Variants in STUB1 observed in about 807,000 individuals in gnomAD.
STUB1 encodes E3 ubiquitin-protein ligase CHIP.
STUB1 carries 37 observed loss-of-function variants against 40.3 expected under a neutral mutation model. The observed-to-expected ratio is 0.92, with a 90% confidence interval of 0.71 to 1.21. STUB1 has a LOEUF of 1.21. STUB1 is among the 50% of genes most tolerant of loss of function. The pLI, the probability that STUB1 is intolerant of heterozygous loss-of-function variation, is 0.00. For synonymous variants in STUB1, 246 were observed against 171.9 expected (o/e 1.43, Z -3.37); for missense variants, 460 against 421.9 (o/e 1.09, Z -0.79).
At chr16:681,920 G>A (rs999630602) in intron 4 of STUB1, 40 bp downstream of exon 4, 1 of 1,612,578 alleles carries the variant, frequency 6.2e-7, no homozygotes, top group African/African-American at 1.3e-5. Context: ...CTGTGTGTGT[G>A]CACGTGGCGT....
chr16:681,895 C>A lies in STUB1; in HGVS notation c.612+15C>A, dbSNP rs1379548022. 1.9e-6 allele frequency: 3 copies of A among 1,612,986 alleles called. No homozygotes were observed. In the African/African-American group the frequency reaches 4.0e-5, roughly 21 times the overall value. ...AGGCCAAGCACGTGAGGGTGCCCCC[C>A]ACCCACATGTGGGTCTGTGTGTGTG... On this transcript the variant is annotated intron_variant, in intron 4 of 6. Coordinates refer to ENST00000219548, the MANE Select transcript of STUB1 (RefSeq NM_005861.4).
At position 680,605 on chromosome 16, in the gene STUB1, A is replaced by G; in HGVS notation, c.80A>G (p.Gln27Arg). 2.1e-6 allele frequency: 3 copies of G among 1,405,716 alleles called. No homozygotes were observed. The highest frequency in any genetic ancestry group is 9.3e-7 in the Non-Finnish European group (1 of 1,069,908). 87.1% of individuals were successfully genotyped at this position (1,405,716 alleles called of 1,614,324 possible). A position where few individuals can be genotyped will look rare whatever the true frequency, so the allele number is the denominator to read the frequency against. The change falls in exon 1 of 7, where the codon CAG becomes CGG. Residue 27 changes from glutamine (Q) to arginine (R), a missense_variant. By Grantham distance (43) the Gln-to-Arg change is conservative. Transcript: ENST00000219548. This position sits in a 1 kb window ranked among gnomAD's most constrained non-coding sequence, Gnocchi z 4.9. ...AGCCCCGAGAAGAGCCCGAGCGCGCAGGAGCTCAAGGAGCAGGGCAATCGT... is the reference window on the plus strand; with the variant it reads ...AGCCCCGAGAAGAGCCCGAGCGCGCGGGAGCTCAAGGAGCAGGGCAATCGT... ...GGSPEKSPSA[Q>R]ELKEQGNRLF...
chr16:680,621 G>C lies in STUB1; in HGVS notation c.96G>C (p.Gln32His), dbSNP rs766618211. The C allele has an allele frequency of 2.9e-6, 4 of 1,398,470 alleles. No individual in the cohort carries two copies. In the East Asian group the frequency reaches 1.2e-4, roughly 42 times the overall value. The allele number at this position is 1,398,470 out of a possible 1,614,324, so 86.6% of individuals were successfully genotyped here. A position where few individuals can be genotyped will look rare whatever the true frequency, so the allele number is the denominator to read the frequency against. Residue 32 changes from glutamine to histidine, a missense_variant, in exon 1 of 7, where the codon CAG becomes CAC. Gln to His is a conservative substitution (Grantham distance 24). Coordinates refer to ENST00000219548, the MANE Select transcript of STUB1 (RefSeq NM_005861.4). The surrounding 1 kb of genome is among the most constrained non-coding windows in gnomAD (Gnocchi z 4.9). ...CGAGCGCGCAGGAGCTCAAGGAGCAGGGCAATCGTCTGTTCGTGGGCCGAA... is the reference window on the plus strand; with the variant it reads ...CGAGCGCGCAGGAGCTCAAGGAGCACGGCAATCGTCTGTTCGTGGGCCGAA... The part of the protein sequence containing the change: ...KSPSAQELKE[Q>H]GNRLFVGRKY...
In STUB1 at chr16:680,411, G is replaced by A. The variant is rs1456760876; in HGVS notation, c.-115G>A. The A allele has an allele frequency of 7.0e-6, 7 of 1,000,354 alleles. No individual in the cohort carries two copies. In the Middle Eastern group the frequency reaches 1.3e-3, roughly 184 times the overall value. The allele number at this position is 1,000,354 out of a possible 1,614,324, so 62.0% of individuals were successfully genotyped here. On this transcript the variant is annotated 5_prime_UTR_variant, in exon 1 of 7. Transcript: ENST00000219548. The surrounding 1 kb of genome is among the most constrained non-coding windows in gnomAD (Gnocchi z 4.9). ...CCCCCGGCCGGAAGTTCCGGCGGCG[G>A]AGCTGGGCCGGGCCCGAGCGGATCG...
Position 680,869 on chromosome 16 carries a change from C to A in STUB1, c.159+185C>A. The A allele has an allele frequency of 3.6e-6, 2 of 559,478 alleles. No individual in the cohort carries two copies. Among genetic ancestry groups the A allele is most frequent in the Non-Finnish European group, 5.6e-6 (2 of 359,776 alleles). 34.7% of individuals were successfully genotyped at this position (559,478 alleles called of 1,614,324 possible). On this transcript the variant is annotated intron_variant, in intron 1 of 6. Coordinates refer to ENST00000219548, the MANE Select transcript of STUB1 (RefSeq NM_005861.4). This position sits in a 1 kb window ranked among gnomAD's most constrained non-coding sequence, Gnocchi z 4.9. ...CGAGGGTGCGATGCTGGATGGAGGC[C>A]GGCCGGGTGGGGGGAGGGCAGGGGC...
At position 682,145 on chromosome 16, in the gene STUB1, C is replaced by T. The variant is rs751602672; in HGVS notation, c.670-20C>T. On this transcript the variant is annotated intron_variant, in intron 5 of 6. Transcript: ENST00000219548. ...GCAGTGCCCCTTTTCAGCCTCTGAC[C>T]GTGTGCCCCTGTGCCACAGAAGCGA... The T allele has an allele frequency of 4.8e-5, 76 of 1,595,798 alleles. 1 individual carries two copies. In the South Asian group the frequency reaches 4.9e-4, roughly 10 times the overall value.
chr16:680,625 A>G lies in STUB1; in HGVS notation c.100A>G (p.Asn34Asp). The change falls in exon 1 of 7, where the codon AAT becomes GAT. Residue 34 changes from asparagine (N) to aspartate (D), a missense_variant. Transcript: ENST00000219548. The surrounding 1 kb of genome is among the most constrained non-coding windows in gnomAD (Gnocchi z 4.9). Reference sequence around the variant, plus strand: ...CGCGCAGGAGCTCAAGGAGCAGGGCAATCGTCTGTTCGTGGGCCGAAAGTA... The same window carrying G: ...CGCGCAGGAGCTCAAGGAGCAGGGCGATCGTCTGTTCGTGGGCCGAAAGTA... ...PSAQELKEQG[N>D]RLFVGRKYPE... The G allele has an allele frequency of 7.2e-7, 1 of 1,390,492 alleles. No individual in the cohort carries two copies. Among genetic ancestry groups the G allele is most frequent in the Non-Finnish European group, 9.4e-7 (1 of 1,061,488 alleles). 86.1% of individuals were successfully genotyped at this position (1,390,492 alleles called of 1,614,324 possible). A position where few individuals can be genotyped will look rare whatever the true frequency, so the allele number is the denominator to read the frequency against.
In STUB1 at chr16:682,085, GT is replaced by G; in HGVS notation, c.669+10del. 1.3e-6 allele frequency: 2 copies of G among 1,581,954 alleles called. No individual in the cohort carries two copies. The highest frequency in any genetic ancestry group is 1.1e-5 in the South Asian group (1 of 87,448). The stretch of plus-strand genomic sequence containing the variant: ...TGGATGAGAAGAGGAAGGTGAGTGT[GT>G]GTCGCTTGCTGCCGATGGCTGGCAG... On this transcript the variant is annotated intron_variant, in intron 5 of 6. Coordinates refer to ENST00000219548, the MANE Select transcript of STUB1 (RefSeq NM_005861.4).
chr16:682,347 C>A lies in STUB1; in HGVS notation c.787-17C>A, dbSNP rs202134918. 6.2e-7 allele frequency: 1 copy of A among 1,613,094 alleles called. No individual in the cohort carries two copies. Among genetic ancestry groups the A allele is most frequent in the East Asian group, 2.2e-5 (1 of 44,886 alleles). The stretch of plus-strand genomic sequence containing the variant: ...CCTGGGCCCCATGACTGCCCTCTGC[C>A]CTTCTTGTCACTGCAGCGTGTGGGT... On this transcript the variant is annotated splice_polypyrimidine_tract_variant and intron_variant, in intron 6 of 6. Transcript: ENST00000219548.
Position 680,784 on chromosome 16 carries a change from G to A in STUB1, c.159+100G>A. The A allele has an allele frequency of 9.4e-6, 10 of 1,060,288 alleles. No homozygotes were observed. Among genetic ancestry groups the A allele is most frequent in the Non-Finnish European group, 1.2e-5 (10 of 844,422 alleles). 65.7% of individuals were successfully genotyped at this position (1,060,288 alleles called of 1,614,324 possible). ...CGAGGGTCTGGCTCCTCTTCGGGGC[G>A]TGTCCTCGGCTCCCAAAGCCCAGCC... is the stretch of plus-strand genomic sequence containing the variant. On this transcript the variant is annotated intron_variant, in intron 1 of 6. Coordinates refer to ENST00000219548, the MANE Select transcript of STUB1 (RefSeq NM_005861.4). The surrounding 1 kb of genome is among the most constrained non-coding windows in gnomAD (Gnocchi z 4.9).
intron 3 of STUB1, 58 bp from the exon 4 acceptor site, chr16:681,735 G>A (rs1318035016): frequency 1.7e-5 from 27 of 1,553,758 alleles, no homozygotes; most frequent in Non-Finnish European, 2.3e-5. Flanking sequence ...TCTGAGATTG[G>A]GGTGTGGTCA....
Position 680,968 on chromosome 16 carries a change from G to A in STUB1, c.160-184G>A, listed in dbSNP as rs1408208144. On this transcript the variant is annotated intron_variant, in intron 1 of 6. Coordinates refer to ENST00000219548, the MANE Select transcript of STUB1 (RefSeq NM_005861.4). This position sits in a 1 kb window ranked among gnomAD's most constrained non-coding sequence, Gnocchi z 4.9. ...TTGGAAAACTTTACAAAACCAAGTGGAATCAAGCGGATAGGCTCAGCCAGT... is the reference window on the plus strand; with the variant it reads ...TTGGAAAACTTTACAAAACCAAGTGAAATCAAGCGGATAGGCTCAGCCAGT... 4.2e-6 allele frequency: 3 copies of A among 708,912 alleles called. No homozygotes were observed. The East Asian group carries it at 8.4e-5, about 20-fold the overall frequency. 43.9% of individuals were successfully genotyped at this position (708,912 alleles called of 1,614,324 possible). A position where few individuals can be genotyped will look rare whatever the true frequency, so the allele number is the denominator to read the frequency against.
rs2039715201 is a variant in STUB1 at position 682,568 on chromosome 16, C to T, written c.*79C>T. The T allele has an allele frequency of 7.0e-6, 11 of 1,578,276 alleles. No individual in the cohort carries two copies. Among genetic ancestry groups the T allele is most frequent in the African/African-American group, 2.7e-5 (2 of 74,326 alleles). ...CCGGCCCCTATACATAGTTTATGTT[C>T]CTGGCCACCCCGACCGCTTCCCCCA... is the stretch of plus-strand genomic sequence containing the variant. On this transcript the variant is annotated 3_prime_UTR_variant, in exon 7 of 7. Transcript: ENST00000219548.
intron 4 of STUB1, 31 bp downstream of exon 4, chr16:681,911 T>C: frequency 1.2e-6 from 2 of 1,611,750 alleles, no homozygotes; most frequent in Admixed American, 3.3e-5. Flanking sequence ...CATGTGGGTC[T>C]GTGTGTGTGC....
In STUB1 at chr16:680,768, G is replaced by C. The variant is rs1467663286; in HGVS notation, c.159+84G>C. On this transcript the variant is annotated intron_variant, in intron 1 of 6. Transcript: ENST00000219548. The surrounding 1 kb of genome is among the most constrained non-coding windows in gnomAD (Gnocchi z 4.9). ...GCCCGGCCGGCCCCACCGAGGGTCT[G>C]GCTCCTCTTCGGGGCGTGTCCTCGG... 1 of 1,127,310 alleles carries C rather than the reference G, an allele frequency of 8.9e-7. No individual in the cohort carries two copies. The highest frequency in any genetic ancestry group is 1.6e-5 in the African/African-American group (1 of 61,120). The allele number at this position is 1,127,310 out of a possible 1,614,324, so 69.8% of individuals were successfully genotyped here.
chr16:682,385 G>A lies in STUB1; in HGVS notation c.808G>A (p.Val270Met), dbSNP rs749022932. Reference sequence around the variant, plus strand: ...GCAGCGTGTGGGTCATTTTGACCCCGTGACCCGGAGCCCCCTGACCCAGGA... The same window carrying A: ...GCAGCGTGTGGGTCATTTTGACCCCATGACCCGGAGCCCCCTGACCCAGGA... ...HLQRVGHFDP[V>M]TRSPLTQEQL... Residue 270 changes from valine to methionine, a missense_variant, in exon 7 of 7, where the codon GTG (valine) becomes ATG (methionine). Val to Met is a conservative substitution (Grantham distance 21, BLOSUM62 1). Transcript: ENST00000219548. The A allele has an allele frequency of 3.7e-6, 6 of 1,613,192 alleles. No homozygotes were observed. Among genetic ancestry groups the A allele is most frequent in the Non-Finnish European group, 5.1e-6 (6 of 1,179,982 alleles).
rs144127842 is a variant in STUB1 at position 681,811 on chromosome 16, G to C, written c.543G>C (p.Gln181His). 4 of 1,603,210 alleles carry C rather than the reference G, an allele frequency of 2.5e-6. No homozygotes were observed. The South Asian group carries it at 4.4e-5, about 18-fold the overall frequency. ...AERERELEEC[Q>H]RNHEGDEDDS... is the part of the protein sequence containing the mutation. Reference sequence around the variant, plus strand: ...CCCCCAGGGAGCTGGAAGAGTGCCAGCGAAACCACGAGGGTGATGAGGACG... The same window carrying C: ...CCCCCAGGGAGCTGGAAGAGTGCCACCGAAACCACGAGGGTGATGAGGACG... Residue 181 changes from glutamine (Q) to histidine (H), a missense_variant, in exon 4 of 7, where the codon CAG (glutamine) becomes CAC (histidine). By Grantham distance (24) the Gln-to-His change is conservative (BLOSUM62 0). Transcript: ENST00000219548.
In STUB1 at chr16:682,504, C is replaced by T. The variant is rs1306634453; in HGVS notation, c.*15C>T. 2 of 1,612,836 alleles carry T rather than the reference C, an allele frequency of 1.2e-6. No homozygotes were observed. Among genetic ancestry groups the T allele is most frequent in the Non-Finnish European group, 1.7e-6 (2 of 1,179,920 alleles). ...AGGACTACTGAGGTTCCCTGCCCTA[C>T]CTGGCGTCCTGGTCCAGGGGAGCCC... On this transcript the variant is annotated 3_prime_UTR_variant, in exon 7 of 7. Coordinates refer to ENST00000219548, the MANE Select transcript of STUB1 (RefSeq NM_005861.4).
rs1459732338 is a variant in STUB1 at position 680,581 on chromosome 16, G to A, written c.56G>A (p.Ser19Asn). The A allele has an allele frequency of 7.2e-7, 1 of 1,390,622 alleles. No homozygotes were observed. 86.1% of individuals were successfully genotyped at this position (1,390,622 alleles called of 1,614,324 possible). A position where few individuals can be genotyped will look rare whatever the true frequency, so the allele number is the denominator to read the frequency against. ...GCACGGCTGGGCGCTGGCGGCGGAA[G>A]CCCCGAGAAGAGCCCGAGCGCGCAG... ...GGARLGAGGGSPEKSPSAQEL... is the reference protein window; with the variant it reads ...GGARLGAGGGNPEKSPSAQEL... Residue 19 changes from serine (S) to asparagine (N), a missense_variant, in exon 1 of 7, where the codon AGC becomes AAC. By Grantham distance (46) the Ser-to-Asn change is conservative. Coordinates refer to ENST00000219548, the MANE Select transcript of STUB1 (RefSeq NM_005861.4). This position sits in a 1 kb window ranked among gnomAD's most constrained non-coding sequence, Gnocchi z 4.9.
Sources: gnomAD v4.1 joint callset for allele counts on GRCh38, gnomAD v4.1.1 for gene constraint, Gnocchi (gnomAD v3.1) non-coding constraint, MANE v1.5 for transcripts, NCBI Gene and HGNC (gene_info 2026-07-23, HGNC 2026-07-21) for gene names.